Variants in ACOXL observed in about 807,000 individuals in gnomAD.
ACOXL encodes the protein acyl-CoA oxidase like.
A neutral mutation model predicts 71.9 loss-of-function variants in ACOXL; 70 were observed. The ratio of observed to expected loss-of-function variants is 0.97; its 90% CI spans 0.80 to 1.19. The LOEUF (loss-of-function observed/expected upper bound fraction) is 1.19. Ranked by LOEUF, ACOXL falls within the 50% of genes most tolerant of loss-of-function variation. ACOXL has a pLI of 0.00. For synonymous variants in ACOXL, 253 were observed against 281.6 expected, an observed-to-expected ratio of 0.90 and a Z score of 1.02; for missense variants, 703 against 736.3, an observed-to-expected ratio of 0.95 and a Z score of 0.52.
chr2:111,024,085 A>T (rs1355527223), intron 14 of ACOXL, among the ~76,000 whole-genome samples: 1 of 152,048 alleles, frequency 6.6e-6, no homozygotes, highest in Non-Finnish European at 1.5e-5. Flanking sequence ...GGTTTAACTA[A>T]AGAGGGGCTT....
At chr2:110,906,486 C>T (rs1454086260) in intron 10 of ACOXL, among the ~76,000 whole-genome samples, 4 of 143,046 alleles carry the variant, frequency 2.8e-5, no homozygotes, top group Admixed American at 7.4e-5. Context: ...TGCACTGAGC[C>T]GAGATTGCGC....
intron 10 of ACOXL, among the ~76,000 whole-genome samples, chr2:110,851,086 C>A (rs1394200073): frequency 6.6e-6 from 1 of 152,162 alleles, no homozygotes; most frequent in Non-Finnish European, 1.5e-5. Flanking sequence ...GGGAAGAAAG[C>A]AGACCCGTAC....
At chr2:111,049,577 G>A (rs2066184271) in intron 16 of ACOXL, among the ~76,000 whole-genome samples, 1 of 152,158 alleles carries the variant, frequency 6.6e-6, no homozygotes, top group Non-Finnish European at 1.5e-5. Context: ...ATGGAGTCTT[G>A]ATGCTTTTTT....
chr2:111,064,448 A>AC (rs1386829396), intron 16 of ACOXL, among the ~76,000 whole-genome samples: 1 of 150,808 alleles, frequency 6.6e-6, no homozygotes, highest in Non-Finnish European at 1.5e-5. Flanking sequence ...AAAAAAAACA[A>AC]AAAAAAAACA....
intron 16 of ACOXL, among the ~76,000 whole-genome samples, chr2:111,059,227 ACT>A (rs1466369821): frequency 1.3e-5 from 2 of 152,138 alleles, no homozygotes; most frequent in African/African-American, 2.4e-5. Context: ...ATACAGCAAG[ACT>A]CTGTCTCTAT....
intron 12 of ACOXL, among the ~76,000 whole-genome samples, chr2:110,967,645 A>C (rs1483729354): frequency 6.6e-6 from 1 of 152,238 alleles, no homozygotes; most frequent in African/African-American, 2.4e-5. Context: ...TCTGGGGGAA[A>C]ACCTGAAAGA....
intron 1 of ACOXL, among the ~76,000 whole-genome samples, chr2:110,743,747 T>C (rs1245007811): frequency 6.6e-6 from 1 of 152,194 alleles, no homozygotes; most frequent in Non-Finnish European, 1.5e-5. Flanking sequence ...TCCTAGCCCT[T>C]AGAACTCCCC....
chr2:111,078,935 T>C (rs1260862170), intron 16 of ACOXL, among the ~76,000 whole-genome samples: 2 of 152,202 alleles, frequency 1.3e-5, no homozygotes, highest in Admixed American at 1.3e-4. Context: ...CCAATGTCGG[T>C]TTGGCCCTCA....
intron 9 of ACOXL, among the ~76,000 whole-genome samples, chr2:110,832,118 T>C (rs62162654): frequency 0.23 from 35,226 of 152,060 alleles, 4,963 homozygotes; most frequent in East Asian, 0.32. Flanking sequence ...CAGTGAGTTA[T>C]GATCATGCCA....
At chr2:111,096,133 A>G (rs1336712930) in intron 17 of ACOXL, among the ~76,000 whole-genome samples, 1 of 152,098 alleles carries the variant, frequency 6.6e-6, no homozygotes. Flanking sequence ...AGCTCTCCAC[A>G]TTTACTGATT....
At chr2:111,110,854 G>A (rs1054990054) in intron 17 of ACOXL, among the ~76,000 whole-genome samples, 43 of 152,106 alleles carry the variant, frequency 2.8e-4, no homozygotes, top group South Asian at 1.0e-3. Context: ...TTTTAACTAG[G>A]AGCCCTCCCA....
intron 17 of ACOXL, among the ~76,000 whole-genome samples, chr2:111,103,607 A>G (rs941033317): frequency 2.0e-5 from 3 of 152,376 alleles, no homozygotes; most frequent in South Asian, 2.1e-4. Context: ...ATTAATCTGC[A>G]TAACGGTTCC....
intron 12 of ACOXL, among the ~76,000 whole-genome samples, chr2:110,938,106 G>A (rs1281804943): frequency 6.6e-6 from 1 of 152,200 alleles, no homozygotes; most frequent in Non-Finnish European, 1.5e-5. Context: ...TACTCAGTGC[G>A]AACTGTGGAG....
chr2:111,082,041 A>G (rs7423389), intron 16 of ACOXL, among the ~76,000 whole-genome samples: 4,534 of 152,332 alleles, frequency 0.03, 137 homozygotes, highest in South Asian at 0.15. Context: ...AAAGACTTAA[A>G]TGTAAGACCT....
intron 9 of ACOXL, among the ~76,000 whole-genome samples, chr2:110,806,609 A>G (rs974703398): frequency 3.9e-5 from 6 of 152,238 alleles, no homozygotes; most frequent in Non-Finnish European, 8.8e-5. Flanking sequence ...GATTGGTTAA[A>G]CATCGGATGC....
At chr2:110,796,787 C>T (rs935747431) in intron 5 of ACOXL, among the ~76,000 whole-genome samples, 2 of 152,180 alleles carry the variant, frequency 1.3e-5, no homozygotes, top group African/African-American at 4.8e-5. Flanking sequence ...CCAGCATGTC[C>T]GTTTATGTTT....
intron 5 of ACOXL, 58 bp from the exon 6 acceptor site, chr2:110,798,552 A>G: frequency 7.2e-7 from 1 of 1,397,376 alleles, no homozygotes; most frequent in Non-Finnish European, 1.0e-6. Flanking sequence ...GCTTTGAGCC[A>G]GGGAGTTGAA....
At chr2:111,018,807 A>G (rs2064598652) in intron 14 of ACOXL, among the ~76,000 whole-genome samples, 2 of 152,230 alleles carry the variant, frequency 1.3e-5, no homozygotes, top group South Asian at 4.2e-4. Context: ...AGTTGGAGAC[A>G]CAGAGCCCCA....
chr2:111,070,475 A>G (rs1290947550), intron 16 of ACOXL, among the ~76,000 whole-genome samples: 2 of 152,162 alleles, frequency 1.3e-5, no homozygotes, highest in Non-Finnish European at 2.9e-5. Flanking sequence ...AGAGAGGAAC[A>G]ACAGACACTG....
Sources: allele counts gnomAD v4.1 joint callset (sites outside exome capture counted in the v4.1 genomes callset), GRCh38; gene constraint gnomAD v4.1.1; transcripts MANE v1.5; gene names NCBI Gene and HGNC (gene_info 2026-07-23, HGNC 2026-07-21).